The following RTL4 variants were observed in gnomAD, a reference collection of about 807,000 sequenced individuals.
The protein encoded by RTL4 is retrotransposon Gag-like protein 4.
In RTL4, 4 loss-of-function variants were observed where a neutral mutation model predicts 5.3. That is an observed-to-expected ratio of 0.75 (90% CI 0.37 to 1.72). The LOEUF is 1.72. Ranked by LOEUF, RTL4 falls within the 40% of genes most tolerant of loss-of-function variation. RTL4 has a pLI of 0.04. For missense variants in RTL4, 260 were observed against 227.1 expected (o/e 1.14, Z -0.93); for synonymous variants, 98 against 87.3 (o/e 1.12, Z -0.68).
chrX:112,334,072 GCTTT>G, the RTL4 span, among the ~76,000 whole-genome samples: 3 of 110,744 alleles, frequency 2.7e-5, no homozygotes, highest in African/African-American at 6.6e-5. Flanking sequence ...TTCTGTGTTT[GCTTT>G]ATTTCACTTA....
At chrX:112,256,060 A>G in the RTL4 span, among the ~76,000 whole-genome samples, 2 of 112,276 alleles carry the variant, frequency 1.8e-5, no homozygotes, top group South Asian at 3.7e-4. Flanking sequence ...TATAATTCAT[A>G]TAAACACCTG....
At chrX:112,324,290 C>A in the RTL4 span, among the ~76,000 whole-genome samples, 1 of 112,097 alleles carries the variant, frequency 8.9e-6, no homozygotes, top group Non-Finnish European at 1.9e-5. Context: ...AATAATATTT[C>A]ATTGCATGGA....
chrX:112,238,424 C>A, the RTL4 span, among the ~76,000 whole-genome samples: 1 of 111,398 alleles, frequency 9.0e-6, no homozygotes, highest in African/African-American at 3.3e-5. Flanking sequence ...TTCTTATGTT[C>A]CATCTTAAAA....
chrX:112,445,528 G>A, the RTL4 span, among the ~76,000 whole-genome samples: 2 of 111,458 alleles, frequency 1.8e-5, no homozygotes, highest in Non-Finnish European at 3.8e-5. Context: ...AAAAAACTTG[G>A]CCAAGTTCTT....
At chrX:112,382,638 G>T in the RTL4 span, among the ~76,000 whole-genome samples, 1 of 112,363 alleles carries the variant, frequency 8.9e-6, no homozygotes, top group Non-Finnish European at 1.9e-5. Context: ...ATAGCGTTCT[G>T]CTCAGTAAAT....
chrX:112,117,985 A>G, the RTL4 span, among the ~76,000 whole-genome samples: 4 of 111,828 alleles, frequency 3.6e-5, no homozygotes, highest in Admixed American at 9.6e-5. Context: ...TAACTTTAAA[A>G]TAAGATATAA....
the RTL4 span, among the ~76,000 whole-genome samples, chrX:112,267,632 C>T: frequency 9.0e-6 from 1 of 111,505 alleles, no homozygotes; most frequent in Non-Finnish European, 1.9e-5. Flanking sequence ...CAAACCTTTT[C>T]CCTAGTTTGC....
At chrX:112,309,742 A>G in the RTL4 span, among the ~76,000 whole-genome samples, 5 of 108,818 alleles carry the variant, frequency 4.6e-5, no homozygotes, top group African/African-American at 1.7e-4. Flanking sequence ...CGGCCTCCCA[A>G]AGTGCTAGCC....
At chrX:112,236,458 GATCTAT>G in the RTL4 span, among the ~76,000 whole-genome samples, 3 of 77,157 alleles carry the variant, frequency 3.9e-5, no homozygotes, top group Non-Finnish European at 7.1e-5. Flanking sequence ...TATAGATATA[GATCTAT>G]ATCTATATAT....
At chrX:112,168,918 A>ATTCT in the RTL4 span, among the ~76,000 whole-genome samples, 278 of 94,120 alleles carry the variant, frequency 3.0e-3, no homozygotes, top group African/African-American at 0.01. Context: ...TTTGCCTTTA[A>ATTCT]TTCTTTCTTT....
At chrX:112,451,557 T>C (rs1926735953), upstream of RTL4, among the ~76,000 whole-genome samples, 1 of 112,029 alleles carries the variant, frequency 8.9e-6, no homozygotes, top group Non-Finnish European at 1.9e-5. Flanking sequence ...TCTCTCTTCA[T>C]CTCATTTAAT....
At chrX:112,138,565 A>G in the RTL4 span, among the ~76,000 whole-genome samples, 13 of 110,982 alleles carry the variant, frequency 1.2e-4, no homozygotes, top group South Asian at 3.8e-4. Flanking sequence ...TATAACATCA[A>G]TCATACCTCA....
chrX:112,168,487 A>C, the RTL4 span, among the ~76,000 whole-genome samples: 1 of 111,769 alleles, frequency 8.9e-6, no homozygotes, highest in African/African-American at 3.3e-5. Context: ...AAGTATTCTT[A>C]GTCACATGAT....
the RTL4 span, among the ~76,000 whole-genome samples, chrX:112,441,788 A>C: frequency 6.2e-5 from 7 of 112,240 alleles, no homozygotes; most frequent in African/African-American, 1.6e-4. Flanking sequence ...TATCTTAGTA[A>C]AGCTAGAGGA....
the RTL4 span, among the ~76,000 whole-genome samples, chrX:112,429,531 A>G: frequency 1.8e-5 from 2 of 111,226 alleles, no homozygotes; most frequent in South Asian, 7.5e-4. Context: ...AGGCATACAT[A>G]AGCAAATTTA....
At chrX:112,224,596 C>A in the RTL4 span, among the ~76,000 whole-genome samples, 1 of 110,888 alleles carries the variant, frequency 9.0e-6, no homozygotes, top group Admixed American at 9.7e-5. Flanking sequence ...GCCTCAGCCT[C>A]CCAAATTCCT....
the RTL4 span, among the ~76,000 whole-genome samples, chrX:112,310,476 T>C: frequency 3.8e-4 from 10 of 26,429 alleles, no homozygotes; most frequent in African/African-American, 1.3e-3. Context: ...ATATATAATA[T>C]AGAAATATAT....
At chrX:112,329,701 A>G in the RTL4 span, among the ~76,000 whole-genome samples, 1 of 111,015 alleles carries the variant, frequency 9.0e-6, no homozygotes, top group Non-Finnish European at 1.9e-5. Context: ...GCAGAGACAC[A>G]ACCAAAAAAG....
At chrX:112,396,946 C>T in the RTL4 span, among the ~76,000 whole-genome samples, 1 of 111,432 alleles carries the variant, frequency 9.0e-6, no homozygotes, top group African/African-American at 3.3e-5. Flanking sequence ...AGACTGGGTT[C>T]TGGAATTTGG....
Sources: gnomAD v4.1 joint callset for allele counts (sites outside exome capture counted in the v4.1 genomes callset) on GRCh38, gnomAD v4.1.1 for gene constraint, MANE v1.5 for transcripts, NCBI Gene and HGNC (gene_info 2026-07-23, HGNC 2026-07-21) for gene names.